The following NR1H3 variants were observed in gnomAD, a reference collection of about 807,000 sequenced individuals.
NR1H3 encodes oxysterols receptor LXR-alpha.
A neutral mutation model predicts 48.1 loss-of-function variants in NR1H3; 19 were observed. The observed-to-expected ratio is 0.40, with a 90% CI of 0.28 to 0.58. NR1H3 has a LOEUF of 0.58. Among genes scored for constraint, NR1H3 ranks in the 20% least tolerant of loss-of-function variants. The pLI, the probability that NR1H3 is intolerant of heterozygous loss-of-function variation, is 0.50. For synonymous variants in NR1H3, 232 were observed against 227.3 expected (o/e 1.02, Z -0.19); for missense variants, 486 against 595.9 (o/e 0.82, Z 1.92).
At chr11:47,249,460 A>G (rs1217476504) in intron 1 of NR1H3, among the ~76,000 whole-genome samples, 11 of 152,258 alleles carry the variant, frequency 7.2e-5, no homozygotes, top group Non-Finnish European at 2.9e-5. Context: ...AATTAGAGTC[A>G]AGACGTCATG....
chr11:47,268,332 T>G lies in NR1H3; in HGVS notation c.1174T>G (p.Tyr392Asp), dbSNP rs1338953270. The change falls in exon 9 of 10, where the codon TAC (tyrosine) becomes GAC (aspartate). Residue 392 changes from tyrosine to aspartate, a missense_variant. Tyr to Asp is a radical substitution (Grantham distance 160). Coordinates refer to ENST00000441012, the MANE Select transcript of NR1H3 (RefSeq NM_005693.4). The stretch of plus-strand genomic sequence containing the variant: ...CACATATGTGGAAGCCCTGCATGCC[T>G]ACGTCTCCATCCACCATCCCCATGT... ...QHTYVEALHAYVSIHHPHDRL... is the reference protein window; with the variant it reads ...QHTYVEALHADVSIHHPHDRL... 6.2e-7 allele frequency: 1 copy of G among 1,614,140 alleles called. No individual in the cohort carries two copies. Among genetic ancestry groups the G allele is most frequent in the Non-Finnish European group, 8.5e-7 (1 of 1,180,002 alleles).
At chr11:47,249,041 T>G in intron 1 of NR1H3, 7 of 1,446,004 alleles carry the variant, frequency 4.8e-6, no homozygotes, top group Non-Finnish European at 6.4e-6. Flanking sequence ...GAAGACCTCA[T>G]CTTGATTAAG....
At chr11:47,260,746 G>A (rs145675661) in intron 4 of NR1H3, 71 bp downstream of exon 4, 183 of 1,500,642 alleles carry the variant, frequency 1.2e-4, no homozygotes, top group Admixed American at 6.6e-4. Context: ...CCCAAAACAG[G>A]TGCCTGAACT....
In NR1H3 at chr11:47,268,729, C is replaced by A; in HGVS notation, c.*33C>A. The A allele has an allele frequency of 6.2e-7, 1 of 1,605,576 alleles. No homozygotes were observed. Among genetic ancestry groups the A allele is most frequent in the South Asian group, 1.1e-5 (1 of 90,518 alleles). On this transcript the variant is annotated 3_prime_UTR_variant, in exon 10 of 10. Transcript: ENST00000441012. The stretch of plus-strand genomic sequence containing the variant: ...GTCCCCATATTTTCTGTTTTCTTGG[C>A]CGGATGGCTGAGGCCTGGTGGCTGC...
intron 7 of NR1H3, among the ~76,000 whole-genome samples, chr11:47,266,838 G>C (rs1956532631): frequency 6.7e-6 from 1 of 149,836 alleles, no homozygotes; most frequent in Non-Finnish European, 1.5e-5. Context: ...ACAGGGTTTT[G>C]CCATGTCGGC....
At position 47,260,578 on chromosome 11, in the gene NR1H3, C is replaced by T. The variant is rs747876791; in HGVS notation, c.402C>T (p.Cys134=). The part of the protein sequence containing the change: ...RSVIKGAHYI[C]HSGGHCPMDT... ...TCATCAAGGGAGCGCACTACATCTG[C>T]CACAGTGGCGGCCACTGCCCCATGG... Residue 134 remains cysteine, a synonymous_variant, in exon 4 of 10, where the codon TGC becomes TGT. Transcript: ENST00000441012. 1.2e-6 allele frequency: 2 copies of T among 1,614,158 alleles called. No homozygotes were observed. The highest frequency in any genetic ancestry group is 2.2e-5 in the East Asian group (1 of 44,894).
At position 47,268,972 on chromosome 11, in the gene NR1H3, C is replaced by T. The variant is rs1957836637; in HGVS notation, c.*276C>T. ...GCACAGGGTTCTCCAGAGCCCTGCC[C>T]ATCCTGCCTCCACCACTTCCTGTTT... On this transcript the variant is annotated 3_prime_UTR_variant, in exon 10 of 10. Transcript: ENST00000441012. 1 of 422,128 alleles carries T rather than the reference C, an allele frequency of 2.4e-6. No homozygotes were observed. Among genetic ancestry groups the T allele is most frequent in the Non-Finnish European group, 4.3e-6 (1 of 233,186 alleles). The allele number at this position is 422,128 out of a possible 1,614,324, so 26.1% of individuals were successfully genotyped here.
chr11:47,268,418 C>G, intron 9 of NR1H3, 63 bp downstream of exon 9: 8 of 1,588,508 alleles, frequency 5.0e-6, no homozygotes, highest in Non-Finnish European at 6.9e-6. Flanking sequence ...CCTGACATAC[C>G]TACTTTCCCT....
chr11:47,258,297 G>A, intron 1 of NR1H3, 168 bp downstream of exon 1: 1 of 675,652 alleles, frequency 1.5e-6, no homozygotes, highest in Non-Finnish European at 1.8e-6. Flanking sequence ...AACTCATGAG[G>A]GGCTCAGGGG....
intron 4 of NR1H3, 150 bp from the exon 5 acceptor site, chr11:47,261,091 A>G (rs554126043): frequency 5.6e-4 from 358 of 642,548 alleles, no homozygotes; most frequent in Non-Finnish European, 8.6e-4. Flanking sequence ...TCAAAAAAAA[A>G]AAATCTTCTT....
At chr11:47,264,858 CA>C (rs1956294279) in intron 7 of NR1H3, among the ~76,000 whole-genome samples, 1 of 152,194 alleles carries the variant, frequency 6.6e-6, no homozygotes, top group South Asian at 2.1e-4. Flanking sequence ...GGACTGAGCA[CA>C]TTTGAGGTGT....
At chr11:47,256,869 T>C (rs1000233100), upstream of NR1H3, among the ~76,000 whole-genome samples, 55 of 151,810 alleles carry the variant, frequency 3.6e-4, no homozygotes, top group Admixed American at 3.0e-3. Context: ...TAGCTGGAAC[T>C]ACAGGCGCCT....
At chr11:47,250,634 T>G (rs1954570771) in intron 1 of NR1H3, 1 of 152,180 alleles carries the variant, frequency 6.6e-6, no homozygotes, top group African/African-American at 2.4e-5. Context: ...CATGAAAATT[T>G]TGCACCTCTC....
At chr11:47,256,554 G>A (rs1955192443), upstream of NR1H3, among the ~76,000 whole-genome samples, 2 of 151,024 alleles carry the variant, frequency 1.3e-5, no homozygotes, top group African/African-American at 4.9e-5. Context: ...GCGTGTGCCT[G>A]TAATCCTAGC....
intron 1 of NR1H3, among the ~76,000 whole-genome samples, chr11:47,252,519 A>G (rs1208793050): frequency 6.6e-6 from 1 of 151,892 alleles, no homozygotes; most frequent in Non-Finnish European, 1.5e-5. Context: ...TTGGCCTCCC[A>G]AAGTGCTGGG....
chr11:47,261,147 C>A (rs1271450348), intron 4 of NR1H3, 94 bp from the exon 5 acceptor site: 3 of 810,532 alleles, frequency 3.7e-6, no homozygotes, highest in East Asian at 4.0e-5. Flanking sequence ...CAAACCACCC[C>A]CTTTGCCCCA....
chr11:47,265,628 C>T (rs1272661339), intron 7 of NR1H3, among the ~76,000 whole-genome samples: 1 of 152,150 alleles, frequency 6.6e-6, no homozygotes, highest in Non-Finnish European at 1.5e-5. Context: ...AATCCCAGTA[C>T]TTTGGGAGGC....
intron 2 of NR1H3, 165 bp downstream of exon 2, chr11:47,259,424 C>T: frequency 6.4e-7 from 1 of 1,562,086 alleles, no homozygotes; most frequent in Non-Finnish European, 8.7e-7. Context: ...TCCCCTGGTT[C>T]CAGTGCCTGG....
chr11:47,261,678 G>C lies in NR1H3; in HGVS notation c.840G>C (p.Gln280His), dbSNP rs1441939970. The C allele has an allele frequency of 6.2e-7, 1 of 1,614,188 alleles. No individual in the cohort carries two copies. Among genetic ancestry groups the C allele is most frequent in the Non-Finnish European group, 8.5e-7 (1 of 1,180,052 alleles). The change falls in exon 6 of 10, where the codon CAG becomes CAC. Residue 280 changes from glutamine to histidine, a missense_variant. Coordinates refer to ENST00000441012, the MANE Select transcript of NR1H3 (RefSeq NM_005693.4). ...DFAKQLPGFL[Q>H]LSREDQIALL... ...CTAAACAGCTACCCGGCTTCCTGCA[G>C]CTCAGCCGGGAGGACCAGATTGCCC...
Sources: gnomAD v4.1 joint callset for allele counts (sites outside exome capture counted in the v4.1 genomes callset) on GRCh38, gnomAD v4.1.1 for gene constraint, MANE v1.5 for transcripts, NCBI Gene and HGNC (gene_info 2026-07-23, HGNC 2026-07-21) for gene names.